Variants in SHISA6 observed in about 807,000 individuals in gnomAD.
SHISA6 encodes shisa family member 6.
SHISA6 carries 22 observed loss-of-function variants against 47.9 expected under a neutral mutation model. The ratio of observed to expected loss-of-function variants is 0.46; its 90% CI spans 0.33 to 0.66. The LOEUF (loss-of-function observed/expected upper bound fraction) is 0.66. SHISA6 is among the 30% of genes least tolerant of loss of function. The pLI is 0.02. For missense variants in SHISA6, 680 were observed against 764.6 expected (o/e 0.89, Z 1.30); for synonymous variants, 388 against 337.8 (o/e 1.15, Z -1.63).
At chr17:11,484,188 A>G (rs1597544047) in intron 3 of SHISA6, among the ~76,000 whole-genome samples, 3 of 152,360 alleles carry the variant, frequency 2.0e-5, no homozygotes, top group Admixed American at 6.5e-5. Context: ...ATTCTGAAAA[A>G]GTAGGAGAGC....
At chr17:11,477,192 G>A (rs992059734) in intron 3 of SHISA6, among the ~76,000 whole-genome samples, 2 of 152,038 alleles carry the variant, frequency 1.3e-5, no homozygotes, top group African/African-American at 4.8e-5. Flanking sequence ...GCATAATTAG[G>A]TTTGTCTTTT....
intron 3 of SHISA6, among the ~76,000 whole-genome samples, chr17:11,491,529 C>A (rs1229263144): frequency 6.6e-6 from 1 of 152,056 alleles, no homozygotes; most frequent in East Asian, 1.9e-4. Context: ...GTCTCGAACT[C>A]CTGGCCTCAA....
chr17:11,453,316 C>G (rs1915452107), intron 3 of SHISA6, among the ~76,000 whole-genome samples: 1 of 152,182 alleles, frequency 6.6e-6, no homozygotes, highest in African/African-American at 2.4e-5. Context: ...CAGGCAGCAG[C>G]AACAGCAGCT....
intron 1 of SHISA6, among the ~76,000 whole-genome samples, chr17:11,244,677 T>G (rs1473451049): frequency 2.6e-5 from 4 of 152,136 alleles, no homozygotes; most frequent in Admixed American, 2.6e-4. Context: ...TGAGTTTTCC[T>G]TAGGGAAAGT....
At chr17:11,413,402 G>A (rs1364443225) in intron 3 of SHISA6, among the ~76,000 whole-genome samples, 1 of 152,196 alleles carries the variant, frequency 6.6e-6, no homozygotes, top group Non-Finnish European at 1.5e-5. Flanking sequence ...CAAGCTCAGA[G>A]GCCATTGCCC....
At chr17:11,361,292 TGAG>T (rs1912274707) in intron 2 of SHISA6, among the ~76,000 whole-genome samples, 2 of 152,346 alleles carry the variant, frequency 1.3e-5, no homozygotes, top group Non-Finnish European at 2.9e-5. Flanking sequence ...TAAATTAGTC[TGAG>T]GAGAATTTAC....
At chr17:11,293,832 G>A (rs762270643) in intron 2 of SHISA6, among the ~76,000 whole-genome samples, 20 of 152,244 alleles carry the variant, frequency 1.3e-4, no homozygotes, top group East Asian at 3.9e-4. Flanking sequence ...CACACGCTGC[G>A]CAGTTCGAAT....
chr17:11,486,992 G>A (rs1230815917), intron 3 of SHISA6, among the ~76,000 whole-genome samples: 1 of 152,214 alleles, frequency 6.6e-6, no homozygotes, highest in Non-Finnish European at 1.5e-5. Context: ...ACACAACCAC[G>A]TCATTCATGT....
At chr17:11,486,384 G>A (rs1916350047) in intron 3 of SHISA6, among the ~76,000 whole-genome samples, 1 of 152,186 alleles carries the variant, frequency 6.6e-6, no homozygotes, top group Admixed American at 6.5e-5. Flanking sequence ...CCAGGGACCC[G>A]GGTCTCTTTG....
chr17:11,521,763 T>G (rs1481109442), intron 3 of SHISA6, among the ~76,000 whole-genome samples: 29 of 152,066 alleles, frequency 1.9e-4, no homozygotes, highest in Admixed American at 1.9e-3. Flanking sequence ...GGATCACGCC[T>G]CTGCATTCCA....
At chr17:11,272,798 G>A (rs112863325) in intron 2 of SHISA6, among the ~76,000 whole-genome samples, 5,850 of 152,250 alleles carry the variant, frequency 0.038, 297 homozygotes, top group African/African-American at 0.12. Flanking sequence ...AGGTCATATG[G>A]CAGAGTCACG....
intron 2 of SHISA6, among the ~76,000 whole-genome samples, chr17:11,371,802 T>G (rs1387791087): frequency 1.3e-5 from 2 of 151,804 alleles, no homozygotes; most frequent in East Asian, 3.9e-4. Context: ...ATTACAAAAA[T>G]TAAAATAACA....
intron 3 of SHISA6, among the ~76,000 whole-genome samples, chr17:11,455,807 C>T (rs1385886669): frequency 6.6e-6 from 1 of 152,200 alleles, no homozygotes; most frequent in Non-Finnish European, 1.5e-5. Flanking sequence ...GCACTACCTA[C>T]TGGCCATCGA....
intron 1 of SHISA6, among the ~76,000 whole-genome samples, chr17:11,243,698 A>G (rs1011517282): frequency 3.3e-5 from 5 of 152,192 alleles, no homozygotes; most frequent in African/African-American, 9.7e-5. Context: ...TGCTGTCCTG[A>G]AGCAGATGTG....
chr17:11,481,358 G>GTATATATA (rs1209751142), intron 3 of SHISA6, among the ~76,000 whole-genome samples: 12 of 109,916 alleles, frequency 1.1e-4, no homozygotes, highest in African/African-American at 4.3e-4. Context: ...GTGTGTGTGT[G>GTATATATA]TGTGTGTGTA....
chr17:11,520,112 G>A (rs1024675086), intron 3 of SHISA6, among the ~76,000 whole-genome samples: 13 of 151,938 alleles, frequency 8.6e-5, no homozygotes, highest in Non-Finnish European at 1.8e-4. Flanking sequence ...ATTACATCTC[G>A]AGCCTCGACT....
chr17:11,305,641 C>T (rs906411772), intron 2 of SHISA6, among the ~76,000 whole-genome samples: 6 of 152,190 alleles, frequency 3.9e-5, no homozygotes, highest in South Asian at 2.1e-4. Flanking sequence ...TTTGGTGTTG[C>T]GGGTGGCTCT....
Position 11,241,786 on chromosome 17 carries a change from G to C in SHISA6, c.364G>C (p.Gly122Arg). The change falls in exon 1 of 6, where the codon GGT (glycine) becomes CGT (arginine). Residue 122 changes from glycine (G) to arginine (R), a missense_variant. This residue lies in a region of SHISA6 where 559 missense variants were observed against 674.1 expected (regional missense o/e 0.83). Transcript: ENST00000441885. This position sits in a 1 kb window ranked among gnomAD's most constrained non-coding sequence, Gnocchi z 5.5. Reference sequence around the variant, plus strand: ...CGAGAGCGGCTACCTGTACTGCTGCGGTACCTGCTACTACCGCTTCTGCTG... The same window carrying C: ...CGAGAGCGGCTACCTGTACTGCTGCCGTACCTGCTACTACCGCTTCTGCTG... ...NSESGYLYCC[G>R]TCYYRFCCKK... 1 of 1,549,956 alleles carries C rather than the reference G, an allele frequency of 6.5e-7. No homozygotes were observed. Among genetic ancestry groups the C allele is most frequent in the Non-Finnish European group, 8.7e-7 (1 of 1,146,978 alleles).
intron 3 of SHISA6, among the ~76,000 whole-genome samples, chr17:11,438,684 T>C (rs1915010454): frequency 6.6e-6 from 1 of 152,208 alleles, no homozygotes; most frequent in Non-Finnish European, 1.5e-5. Context: ...ATAGTTACAC[T>C]GGGAGTTAGG....
Sources: gnomAD v4.1 joint callset for allele counts (sites outside exome capture counted in the v4.1 genomes callset) on GRCh38, gnomAD v4.1.1 for gene constraint, gnomAD v4.1.1 regional missense constraint, Gnocchi (gnomAD v3.1) non-coding constraint, MANE v1.5 for transcripts, NCBI Gene and HGNC (gene_info 2026-07-23, HGNC 2026-07-21) for gene names.